CACNA2D4: variants seen among roughly 807,000 people sequenced by gnomAD.
CACNA2D4 encodes the protein voltage-dependent calcium channel subunit alpha-2/delta-4.
CACNA2D4 carries 157 observed loss-of-function variants against 163.8 expected under a neutral mutation model. The observed-to-expected ratio is 0.96, with a 90% CI of 0.84 to 1.09. The LOEUF (loss-of-function observed/expected upper bound fraction) is 1.09. Ranked by LOEUF, CACNA2D4 falls within the 50% of genes least tolerant of loss-of-function variation. The pLI, the probability that CACNA2D4 is intolerant of heterozygous loss-of-function variation, is 0.00. For missense variants in CACNA2D4, 1,410 were observed against 1,479.9 expected, an observed-to-expected ratio of 0.95 and a Z score of 0.78; for synonymous variants, 598 against 586.9, an observed-to-expected ratio of 1.02 and a Z score of -0.27.
intron 37 of CACNA2D4, among the ~76,000 whole-genome samples, chr12:1,794,054 G>A (rs1242859586): frequency 6.6e-6 from 1 of 152,088 alleles, no homozygotes; most frequent in African/African-American, 2.4e-5. Flanking sequence ...GGGGTTTCTG[G>A]TCCCAGCAGA....
intron 11 of CACNA2D4, 23 bp from the exon 12 acceptor site, chr12:1,884,344 A>G (rs758357664): frequency 6.3e-7 from 1 of 1,594,852 alleles, no homozygotes; most frequent in South Asian, 1.1e-5. Flanking sequence ...ACACAGAGGC[A>G]CTCAGCAGCA....
At chr12:1,892,043 C>T (rs771308709) in intron 6 of CACNA2D4, among the ~76,000 whole-genome samples, 4 of 152,112 alleles carry the variant, frequency 2.6e-5, no homozygotes, top group Admixed American at 6.5e-5. Flanking sequence ...GTCTAGCAAG[C>T]GATTATGACA....
intron 6 of CACNA2D4, among the ~76,000 whole-genome samples, chr12:1,904,970 A>G (rs1487557692): frequency 6.6e-6 from 1 of 152,114 alleles, no homozygotes; most frequent in Non-Finnish European, 1.5e-5. Context: ...TGGATAAAAC[A>G]TAAAACTAGC....
Position 1,844,406 on chromosome 12 carries a change from T to C in CACNA2D4, c.2466A>G (p.Gly822=). ...GAGCACCGGGCTGTGTGTTACCTGG[T>C]CCTTCTGCCCAGCGGAGGTTGAAGA... ...SFVFNLRWAE[G]PESAGEPMVV... Residue 822 remains glycine (G), a synonymous_variant, in exon 25 of 38, where the codon GGA becomes GGG. Coordinates refer to ENST00000382722, the MANE Select transcript of CACNA2D4 (RefSeq NM_172364.5). The surrounding 1 kb of genome is among the most constrained non-coding windows in gnomAD (Gnocchi z 4.2). 1 of 1,613,458 alleles carries C rather than the reference T, an allele frequency of 6.2e-7. No individual in the cohort carries two copies. Among genetic ancestry groups the C allele is most frequent in the Non-Finnish European group, 8.5e-7 (1 of 1,179,760 alleles).
intron 29 of CACNA2D4, chr12:1,809,544 C>T: frequency 1.4e-6 from 1 of 702,972 alleles, no homozygotes; most frequent in Non-Finnish European, 2.6e-6. Flanking sequence ...TTTGAATGGG[C>T]TTCTTTCTCA....
intron 26 of CACNA2D4, chr12:1,831,165 T>A: frequency 6.2e-7 from 1 of 1,613,962 alleles, no homozygotes; most frequent in Non-Finnish European, 8.5e-7. Flanking sequence ...GTTGGACCTG[T>A]CCAACAACTT....
Position 1,834,173 on chromosome 12 carries a change from T to C in CACNA2D4, c.2551+6566A>G, listed in dbSNP as rs1864749258. The C allele has an allele frequency of 4.9e-6, 7 of 1,417,040 alleles. No individual in the cohort carries two copies. The highest frequency in any genetic ancestry group is 6.6e-6 in the Non-Finnish European group (7 of 1,063,536). The allele number at this position is 1,417,040 out of a possible 1,614,324, so 87.8% of individuals were successfully genotyped here. A position where few individuals can be genotyped will look rare whatever the true frequency, so the allele number is the denominator to read the frequency against. ...GACTACATTGCTGATAAAAACTACC[T>C]TCTGGGGCTTCCGTTTTGGGGAGCT... On this transcript the variant is annotated intron_variant, in intron 26 of 37. Coordinates refer to ENST00000382722, the MANE Select transcript of CACNA2D4 (RefSeq NM_172364.5). This position sits in a 1 kb window ranked among gnomAD's most constrained non-coding sequence, Gnocchi z 7.6.
intron 6 of CACNA2D4, among the ~76,000 whole-genome samples, chr12:1,905,304 C>T (rs1341501205): frequency 6.6e-6 from 1 of 151,984 alleles, no homozygotes; most frequent in Non-Finnish European, 1.5e-5. Flanking sequence ...AAAAACAAGA[C>T]CAGGATGTCC....
chr12:1,867,533 A>G (rs1865680151), intron 18 of CACNA2D4, among the ~76,000 whole-genome samples: 1 of 152,182 alleles, frequency 6.6e-6, no homozygotes, highest in Admixed American at 6.5e-5. Flanking sequence ...TTTTGGTTTT[A>G]AAATTTTCAT....
At chr12:1,866,699 C>A (rs1488057254) in intron 18 of CACNA2D4, among the ~76,000 whole-genome samples, 9 of 152,104 alleles carry the variant, frequency 5.9e-5, no homozygotes, top group African/African-American at 2.2e-4. Context: ...CAGCTCATTG[C>A]AGCCTCAACC....
At position 1,843,545 on chromosome 12, in the gene CACNA2D4, TG is replaced by T. The variant is rs1384839993; in HGVS notation, c.2470+856del. Among the ~76,000 whole-genome samples the T allele has an allele frequency of 6.6e-6, 1 of 152,044 alleles. No homozygotes were observed. The highest frequency in any genetic ancestry group is 1.5e-5 in the Non-Finnish European group (1 of 67,988). On this transcript the variant is annotated intron_variant, in intron 25 of 37. Coordinates refer to ENST00000382722, the MANE Select transcript of CACNA2D4 (RefSeq NM_172364.5). The surrounding 1 kb of genome is among the most constrained non-coding windows in gnomAD (Gnocchi z 4.6). ...GGGATCAGCCGCCCCAGCACTCACC[TG>T]GTGGAGGGGTGGTGGAGGGGTGGCT... is the stretch of plus-strand genomic sequence containing the variant.
At chr12:1,900,859 T>A (rs1450168533) in intron 6 of CACNA2D4, among the ~76,000 whole-genome samples, 1 of 152,184 alleles carries the variant, frequency 6.6e-6, no homozygotes, top group Non-Finnish European at 1.5e-5. Context: ...TAGACTTAAT[T>A]GATATTTACA....
At chr12:1,849,666 T>A (rs1865230356) in intron 23 of CACNA2D4, among the ~76,000 whole-genome samples, 1 of 152,230 alleles carries the variant, frequency 6.6e-6, no homozygotes, top group Non-Finnish European at 1.5e-5. Context: ...TGTCTCTGTA[T>A]CCATCTCCTT....
rs1307398689 is a variant in CACNA2D4, at chr12:1,806,618, A to G, written c.2721+3660T>C. 6.6e-6 allele frequency among the ~76,000 whole-genome samples: 1 copy of G among 152,182 alleles called. No individual in the cohort carries two copies. Among genetic ancestry groups the G allele is most frequent in the Non-Finnish European group, 1.5e-5 (1 of 68,042 alleles). On this transcript the variant is annotated intron_variant, in intron 29 of 37. Coordinates refer to ENST00000382722, the MANE Select transcript of CACNA2D4 (RefSeq NM_172364.5). This position sits in a 1 kb window ranked among gnomAD's most constrained non-coding sequence, Gnocchi z 4.1. ...CCTTTGACATATTTGCCTAGTCAGGAAAGTGACAGCAGCCAGCTAAAGTGC... is the reference window on the plus strand; with the variant it reads ...CCTTTGACATATTTGCCTAGTCAGGGAAGTGACAGCAGCCAGCTAAAGTGC...
chr12:1,797,470 G>A lies in CACNA2D4; in HGVS notation c.3061C>T (p.Gln1021Ter), dbSNP rs757138552. 6.3e-7 allele frequency: 1 copy of A among 1,586,354 alleles called. No homozygotes were observed. The highest frequency in any genetic ancestry group is 1.1e-5 in the South Asian group (1 of 87,700). ...CDTEYPVFVY[Q>*]PAIREANGIV... ...CCGTTGGCCTCCCGGATGGCCGGCTGGTACACGAACACGGGGTACTCCGTG... is the reference window on the plus strand; with the variant it reads ...CCGTTGGCCTCCCGGATGGCCGGCTAGTACACGAACACGGGGTACTCCGTG... The change falls in exon 35 of 38, where the codon CAG (glutamine) becomes TAG (stop). Residue 1021 changes from glutamine to a stop codon, truncating the protein, a stop_gained. Coordinates refer to ENST00000382722, the MANE Select transcript of CACNA2D4 (RefSeq NM_172364.5). LOFTEE classifies it high-confidence loss of function.
In CACNA2D4 at chr12:1,833,251, G is replaced by A. The variant is rs1864709912; in HGVS notation, c.2551+7488C>T. Among the ~76,000 whole-genome samples, 1 of 152,210 alleles carries A rather than the reference G, an allele frequency of 6.6e-6. No homozygotes were observed. Among genetic ancestry groups the A allele is most frequent in the African/African-American group, 2.4e-5 (1 of 41,452 alleles). On this transcript the variant is annotated intron_variant, in intron 26 of 37. Coordinates refer to ENST00000382722, the MANE Select transcript of CACNA2D4 (RefSeq NM_172364.5). This position sits in a 1 kb window ranked among gnomAD's most constrained non-coding sequence, Gnocchi z 4.2. Reference sequence around the variant, plus strand: ...GACTTGCGGCAGATGGGCTGCAGAGGGAGCTGCCAGTGACGGAGTGGCTGC... The same window carrying A: ...GACTTGCGGCAGATGGGCTGCAGAGAGAGCTGCCAGTGACGGAGTGGCTGC...
At chr12:1,794,812 G>T (rs910690456) in intron 37 of CACNA2D4, among the ~76,000 whole-genome samples, 2 of 152,160 alleles carry the variant, frequency 1.3e-5, no homozygotes, top group African/African-American at 4.8e-5. Context: ...GGCCACTGGT[G>T]ATCAACTCAG....
At chr12:1,831,368 C>T (rs1269199958) in intron 26 of CACNA2D4, 1 of 1,614,030 alleles carries the variant, frequency 6.2e-7, no homozygotes, top group Non-Finnish European at 8.5e-7. Context: ...TGGCTCTGCG[C>T]TCCCTCTCGC....
At chr12:1,841,100 T>C (rs555604359) in intron 25 of CACNA2D4, among the ~76,000 whole-genome samples, 3 of 152,228 alleles carry the variant, frequency 2.0e-5, no homozygotes, top group Non-Finnish European at 4.4e-5. Context: ...GTTTGTCGGC[T>C]GCGGCATGCA....
Sources: gnomAD v4.1 joint callset for allele counts (sites outside exome capture counted in the v4.1 genomes callset) on GRCh38, gnomAD v4.1.1 for gene constraint, Gnocchi (gnomAD v3.1) non-coding constraint, MANE v1.5 for transcripts, NCBI Gene and HGNC (gene_info 2026-07-23, HGNC 2026-07-21) for gene names.